The following STRN variants were observed in gnomAD, a reference collection of about 807,000 sequenced individuals.
STRN encodes the protein striatin, also known as protein phosphatase 2 regulatory subunit B'''alpha.
Under a neutral mutation model 96.3 loss-of-function variants are expected in STRN, and 53 were observed. That is an observed-to-expected ratio of 0.55 (90% CI 0.44 to 0.69). The LOEUF is 0.69. Among genes scored for constraint, STRN ranks in the 30% least tolerant of loss-of-function variants. The pLI, the probability that STRN is intolerant of heterozygous loss-of-function variation, is 0.00. For synonymous variants in STRN, 428 were observed against 355.9 expected (o/e 1.20, Z -2.28); for missense variants, 987 against 963.9 (o/e 1.02, Z -0.32).
chr2:36,930,175 T>C (rs907313672), intron 1 of STRN, among the ~76,000 whole-genome samples: 3 of 152,170 alleles, frequency 2.0e-5, no homozygotes, highest in African/African-American at 7.2e-5. Context: ...TTCATGCCTG[T>C]AATCCCAGCA....
intron 1 of STRN, among the ~76,000 whole-genome samples, chr2:36,954,291 A>ATT (rs1316356220): frequency 2.0e-5 from 3 of 151,990 alleles, no homozygotes; most frequent in Non-Finnish European, 4.4e-5. Context: ...CAGATGGATC[A>ATT]CTTGAGGCCA....
At chr2:36,863,121 G>A (rs930493247) in intron 12 of STRN, among the ~76,000 whole-genome samples, 1 of 152,016 alleles carries the variant, frequency 6.6e-6, no homozygotes, top group Non-Finnish European at 1.5e-5. Context: ...CATTCTGTGG[G>A]TTGTCTATTT....
intron 4 of STRN, 43 bp downstream of exon 4, chr2:36,905,497 T>C (rs1273172320): frequency 6.5e-7 from 1 of 1,544,444 alleles, no homozygotes; most frequent in Admixed American, 1.7e-5. Context: ...TAAAACTGTT[T>C]CTTGTCTTCA....
intron 8 of STRN, among the ~76,000 whole-genome samples, chr2:36,884,615 A>C (rs1669163172): frequency 6.6e-6 from 1 of 152,184 alleles, no homozygotes; most frequent in African/African-American, 2.4e-5. Flanking sequence ...TCCTGTTACA[A>C]GTTTAATTAA....
At chr2:36,859,502 G>A (rs778754528) in intron 13 of STRN, among the ~76,000 whole-genome samples, 6 of 152,214 alleles carry the variant, frequency 3.9e-5, no homozygotes, top group South Asian at 2.1e-4. Flanking sequence ...AAGAATATAC[G>A]AGAGAAGAAA....
intron 1 of STRN, among the ~76,000 whole-genome samples, chr2:36,956,254 A>G (rs1664885235): frequency 6.6e-6 from 1 of 152,154 alleles, no homozygotes; most frequent in Non-Finnish European, 1.5e-5. Flanking sequence ...AAAGCAAACC[A>G]CTTACTGGAC....
chr2:36,961,090 GC>G (rs1219394917), intron 1 of STRN, among the ~76,000 whole-genome samples: 1 of 143,074 alleles, frequency 7.0e-6, no homozygotes, highest in East Asian at 2.0e-4. Flanking sequence ...TAGAGATGGG[GC>G]TTCACCATGT....
At chr2:36,919,080 G>A (rs1446036853) in intron 2 of STRN, among the ~76,000 whole-genome samples, 1 of 152,126 alleles carries the variant, frequency 6.6e-6, no homozygotes, top group African/African-American at 2.4e-5. Flanking sequence ...GAGTATAACA[G>A]CATCTCAATT....
intron 1 of STRN, among the ~76,000 whole-genome samples, chr2:36,946,453 G>C (rs1174421596): frequency 6.6e-6 from 1 of 152,128 alleles, no homozygotes; most frequent in African/African-American, 2.4e-5. Context: ...AGGTATTTAA[G>C]TATAGGATAT....
chr2:36,848,851 T>A lies in STRN; in HGVS notation c.*605A>T, dbSNP rs559983800. ...TAGCATTTCTGAATAATAATATATTTAACATATTATTGCATTTTTCTCCCC... is the reference window on the plus strand; with the variant it reads ...TAGCATTTCTGAATAATAATATATTAAACATATTATTGCATTTTTCTCCCC... On this transcript the variant is annotated 3_prime_UTR_variant, in exon 18 of 18. Coordinates refer to ENST00000263918, the MANE Select transcript of STRN (RefSeq NM_003162.4). 1 of 152,822 alleles carries A rather than the reference T, an allele frequency of 6.5e-6. No homozygotes were observed. The highest frequency in any genetic ancestry group is 2.4e-5 in the African/African-American group (1 of 41,564). The allele number at this position is 152,822 out of a possible 1,614,324, so 9.5% of individuals were successfully genotyped here. A position where few individuals can be genotyped will look rare whatever the true frequency, so the allele number is the denominator to read the frequency against.
At chr2:36,918,463 T>C in intron 2 of STRN, among the ~76,000 whole-genome samples, 1 of 151,956 alleles carries the variant, frequency 6.6e-6, no homozygotes, top group East Asian at 1.9e-4. Context: ...ATTTTTTATA[T>C]ATATATAAAA....
chr2:36,870,401 TCA>T (rs1668733581), intron 10 of STRN, among the ~76,000 whole-genome samples: 1 of 152,178 alleles, frequency 6.6e-6, no homozygotes, highest in Non-Finnish European at 1.5e-5. Context: ...TATGAATTCT[TCA>T]CACTCCAAGG....
intron 5 of STRN, among the ~76,000 whole-genome samples, chr2:36,901,496 G>A (rs1163644995): frequency 3.4e-5 from 5 of 149,228 alleles, no homozygotes; most frequent in African/African-American, 1.2e-4. Flanking sequence ...AGTTTGCAGT[G>A]AGCTGAGATG....
At chr2:36,942,991 C>T (rs1170046381) in intron 1 of STRN, among the ~76,000 whole-genome samples, 22 of 152,070 alleles carry the variant, frequency 1.4e-4, no homozygotes, top group Admixed American at 1.2e-3. Flanking sequence ...CCACCATGCC[C>T]GGCCATTTAT....
intron 10 of STRN, among the ~76,000 whole-genome samples, chr2:36,874,775 A>G (rs1668859144): frequency 1.3e-5 from 2 of 151,824 alleles, no homozygotes; most frequent in Non-Finnish European, 1.5e-5. Flanking sequence ...ACGCAATAAC[A>G]GTTGACCCAC....
At chr2:36,926,899 A>C in intron 1 of STRN, among the ~76,000 whole-genome samples, 1 of 152,174 alleles carries the variant, frequency 6.6e-6, no homozygotes, top group East Asian at 1.9e-4. Flanking sequence ...GATAAAAATG[A>C]AAGTCGTGTC....
At chr2:36,917,195 T>C (rs7593646) in intron 2 of STRN, among the ~76,000 whole-genome samples, 7,829 of 151,252 alleles carry the variant, frequency 0.052, 672 homozygotes, top group African/African-American at 0.18. Flanking sequence ...AAAAACCTAA[T>C]AGAGCACTTA....
At chr2:36,897,932 C>G (rs927208474) in intron 6 of STRN, among the ~76,000 whole-genome samples, 2 of 151,970 alleles carry the variant, frequency 1.3e-5, no homozygotes, top group African/African-American at 4.8e-5. Flanking sequence ...CTCAAGTGAT[C>G]CTCCCACTTC....
chr2:36,945,646 C>A (rs1265027360), intron 1 of STRN, among the ~76,000 whole-genome samples: 1 of 151,406 alleles, frequency 6.6e-6, no homozygotes, highest in African/African-American at 2.4e-5. Flanking sequence ...GCCCGGGCGA[C>A]AGTGCAAGAC....
Sources: allele counts gnomAD v4.1 joint callset (sites outside exome capture counted in the v4.1 genomes callset), GRCh38; gene constraint gnomAD v4.1.1; transcripts MANE v1.5; gene names NCBI Gene and HGNC (gene_info 2026-07-23, HGNC 2026-07-21).